RNF19A: variants seen among roughly 807,000 people sequenced by gnomAD.
RNF19A encodes E3 ubiquitin-protein ligase RNF19A.
A neutral mutation model predicts 75.7 loss-of-function variants in RNF19A; 32 were observed. The ratio of observed to expected loss-of-function variants is 0.42; its 90% CI spans 0.32 to 0.57. RNF19A has a LOEUF of 0.57. Among genes scored for constraint, RNF19A ranks in the 20% least tolerant of loss-of-function variants. The pLI is 0.10. For synonymous variants in RNF19A, 335 were observed against 345.2 expected (o/e 0.97, Z 0.33); for missense variants, 782 against 1,036.3 (o/e 0.75, Z 3.37).
chr8:100,273,224 G>A lies in RNF19A; in HGVS notation c.883+1729C>T, dbSNP rs866458653. ...AATGAAGTTTTTTTTTAAAACAATCGCCTTGAGACTATTTATTCCAACAAT... is the reference window on the plus strand; with the variant it reads ...AATGAAGTTTTTTTTTAAAACAATCACCTTGAGACTATTTATTCCAACAAT... On this transcript the variant is annotated intron_variant, in intron 3 of 9. Transcript: ENST00000341084. Among the ~76,000 whole-genome samples the A allele has an allele frequency of 2.6e-5, 4 of 152,158 alleles. No individual in the cohort carries two copies. The Middle Eastern group carries it at 0.01, about 388-fold the overall frequency.
chr8:100,308,848 T>C (rs1423253779), intron 1 of RNF19A, among the ~76,000 whole-genome samples: 1 of 152,232 alleles, frequency 6.6e-6, no homozygotes, highest in Admixed American at 6.5e-5. Flanking sequence ...CCGTCTTTTC[T>C]AACGTCACCC....
rs1197321928 is a variant in RNF19A at position 100,332,176 on chromosome 8, T to A, written c.-243+3932A>T. 6.6e-6 allele frequency among the ~76,000 whole-genome samples: 1 copy of A among 152,242 alleles called. No homozygotes were observed. The highest frequency in any genetic ancestry group is 1.9e-4 in the East Asian group (1 of 5,202). On this transcript the variant is annotated intron_variant, in intron 1 of 3. Transcript: ENST00000519527. The surrounding 1 kb of genome is among the most constrained non-coding windows in gnomAD (Gnocchi z 4.8). Reference sequence around the variant, plus strand: ...TATGTCCACTTTCCATACTGATATCTGATTTGGTTTGGCTCTGTGTCCCCA... The same window carrying A: ...TATGTCCACTTTCCATACTGATATCAGATTTGGTTTGGCTCTGTGTCCCCA...
intron 1 of RNF19A, among the ~76,000 whole-genome samples, chr8:100,327,397 G>A (rs190951099): frequency 2.3e-4 from 35 of 151,780 alleles, no homozygotes; most frequent in South Asian, 1.3e-3. Flanking sequence ...AATTACAGGC[G>A]TGTGCCACCA....
intron 1 of RNF19A, among the ~76,000 whole-genome samples, chr8:100,305,272 G>A (rs1822018083): frequency 6.6e-6 from 1 of 152,164 alleles, no homozygotes; most frequent in African/African-American, 2.4e-5. Flanking sequence ...GTAAAACTGA[G>A]AGAAGACAGG....
intron 1 of RNF19A, among the ~76,000 whole-genome samples, chr8:100,301,454 C>T (rs534866721): frequency 1.2e-4 from 19 of 152,286 alleles, no homozygotes; most frequent in African/African-American, 3.6e-4. Flanking sequence ...CATTAAAAGC[C>T]CTCCACAGTG....
In RNF19A at chr8:100,268,789, C is replaced by T. The variant is rs751294518; in HGVS notation, c.1187G>A (p.Arg396His). 1.9e-5 allele frequency: 30 copies of T among 1,549,042 alleles called. No individual in the cohort carries two copies. The highest frequency in any genetic ancestry group is 2.5e-5 in the Non-Finnish European group (29 of 1,142,624). The change falls in exon 5 of 10, where the codon CGC becomes CAC. Residue 396 changes from arginine (R) to histidine (H), a missense_variant. Arg to His is a conservative substitution (Grantham distance 29). This residue lies in a region of RNF19A where 41 missense variants were observed against 75.9 expected (regional missense o/e 0.54). Coordinates refer to ENST00000341084, the MANE Select transcript of RNF19A (RefSeq NM_183419.4). ...AACAAGAAGTATGCATTTTACCTTG[C>T]GGCCCACATACACAGGAATGCCAAT... ...MIIGIPVYVG[R>H]KIHNRYEGKD... is the part of the protein sequence containing the mutation.
rs1419131672 is a variant in RNF19A, at chr8:100,304,574, T to A, written c.-94+5293A>T. On this transcript the variant is annotated intron_variant, in intron 1 of 9. Transcript: ENST00000341084. ...CTTATTTCATGATTTTATTTAAGGA[T>A]GCCTATATAAAAAGTCCCATTTATT... Among the ~76,000 whole-genome samples, 4 of 152,238 alleles carry A rather than the reference T, an allele frequency of 2.6e-5. No homozygotes were observed. In the East Asian group the frequency reaches 7.7e-4, roughly 29 times the overall value.
chr8:100,285,290 G>A (rs1289860175), intron 2 of RNF19A, among the ~76,000 whole-genome samples: 1 of 151,982 alleles, frequency 6.6e-6, no homozygotes, highest in East Asian at 1.9e-4. Flanking sequence ...TCTGTAATCT[G>A]TTTTGATTTT....
intron 5 of RNF19A, among the ~76,000 whole-genome samples, chr8:100,266,377 G>T (rs560762053): frequency 5.9e-5 from 9 of 152,264 alleles, no homozygotes; most frequent in African/African-American, 2.2e-4. Context: ...CTCTATAAAT[G>T]ATTTATAGGT....
At chr8:100,327,148 T>C (rs1442029190) in intron 1 of RNF19A, among the ~76,000 whole-genome samples, 3 of 152,050 alleles carry the variant, frequency 2.0e-5, no homozygotes, top group Non-Finnish European at 4.4e-5. Context: ...CGCTAACAAA[T>C]GTAAAGAAAA....
At chr8:100,273,081 G>C (rs1289470277) in intron 3 of RNF19A, among the ~76,000 whole-genome samples, 1 of 151,822 alleles carries the variant, frequency 6.6e-6, no homozygotes, top group Non-Finnish European at 1.5e-5. Context: ...TGCCTAGGCT[G>C]GTCTCGAACT....
rs1365014288 is a variant in RNF19A at position 100,257,319 on chromosome 8, A to AT, written c.*1236dup. On this transcript the variant is annotated 3_prime_UTR_variant, in exon 10 of 10. Coordinates refer to ENST00000341084, the MANE Select transcript of RNF19A (RefSeq NM_183419.4). ...GTAATACTTAAAAGAAATACATAAG[A>AT]TAGAACATTTTAACTGCTATCATTG... 2 of 152,436 alleles carry AT rather than the reference A, an allele frequency of 1.3e-5. No individual in the cohort carries two copies. The highest frequency in any genetic ancestry group is 4.8e-5 in the African/African-American group (2 of 41,270). 9.4% of individuals were successfully genotyped at this position (152,436 alleles called of 1,614,324 possible).
chr8:100,274,149 A>G (rs1586619380), intron 3 of RNF19A, among the ~76,000 whole-genome samples: 1 of 152,176 alleles, frequency 6.6e-6, no homozygotes, highest in African/African-American at 2.4e-5. Flanking sequence ...TAAGTAGAGA[A>G]TGTGGGATTT....
At chr8:100,318,842 G>A (rs538142799) in intron 1 of RNF19A, among the ~76,000 whole-genome samples, 1 of 152,356 alleles carries the variant, frequency 6.6e-6, no homozygotes, top group Admixed American at 6.5e-5. Context: ...TGGAAACGAA[G>A]AAAGGGAGAG....
rs1044050209 is a variant in RNF19A, at chr8:100,259,228, C to T, written c.1845G>A (p.Glu615=). 4 of 1,610,202 alleles carry T rather than the reference C, an allele frequency of 2.5e-6. No individual in the cohort carries two copies. In the African/African-American group the frequency reaches 5.3e-5, roughly 21 times the overall value. The change falls in exon 10 of 10, where the codon GAG becomes GAA. Residue 615 remains glutamate, a synonymous_variant. Coordinates refer to ENST00000341084, the MANE Select transcript of RNF19A (RefSeq NM_183419.4). The surrounding 1 kb of genome is among the most constrained non-coding windows in gnomAD (Gnocchi z 4.5). ...GCTTTGACTCAATATCTACTTGCAC[C>T]TCCATACTGTTGCCTTCTCTGAAAT... ...IPLDKEGNSM[E]VQVDIESKPS... is the part of the protein sequence containing the mutation.
intron 1 of RNF19A, among the ~76,000 whole-genome samples, chr8:100,301,303 T>C (rs561494837): frequency 6.6e-6 from 1 of 152,340 alleles, no homozygotes; most frequent in African/African-American, 2.4e-5. Flanking sequence ...CTCAGCATTC[T>C]TTCTACTATC....
At chr8:100,296,108 CCTTTTTTT>C (rs1247641007) in intron 1 of RNF19A, among the ~76,000 whole-genome samples, 10 of 151,768 alleles carry the variant, frequency 6.6e-5, no homozygotes, top group African/African-American at 2.4e-4. Context: ...TTCTTTTTTT[CCTTTTTTT>C]CTTTTTTGAG....
chr8:100,275,968 A>G lies in RNF19A; in HGVS notation c.675-807T>C, dbSNP rs541015586. On this transcript the variant is annotated intron_variant, in intron 2 of 9. Transcript: ENST00000341084. The surrounding 1 kb of genome is among the most constrained non-coding windows in gnomAD (Gnocchi z 4.3). ...GCCAATCTCCTGCCAAAAAATAAAA[A>G]AAAACTGTTTTTTTTTCCTTCGGAT... Among the ~76,000 whole-genome samples, 1 of 152,304 alleles carries G rather than the reference A, an allele frequency of 6.6e-6. No individual in the cohort carries two copies. Among genetic ancestry groups the G allele is most frequent in the South Asian group, 2.1e-4 (1 of 4,826 alleles).
intron 1 of RNF19A, among the ~76,000 whole-genome samples, chr8:100,307,768 C>T (rs1788167): frequency 0.46 from 69,951 of 151,952 alleles, 17,027 homozygotes; most frequent in African/African-American, 0.63. Flanking sequence ...ACTTCACTTA[C>T]ATTCAAATTT....
Sources: allele counts gnomAD v4.1 joint callset (sites outside exome capture counted in the v4.1 genomes callset), GRCh38; gene constraint gnomAD v4.1.1; regional missense constraint gnomAD v4.1.1; non-coding constraint Gnocchi (gnomAD v3.1); transcripts MANE v1.5; gene names NCBI Gene and HGNC (gene_info 2026-07-23, HGNC 2026-07-21).